Variants in EFCAB6 observed in about 807,000 individuals in gnomAD.
The protein encoded by EFCAB6 is EF-hand calcium binding domain 6, also known as EF-hand calcium-binding domain-containing protein 6.
In EFCAB6, 156 loss-of-function variants were observed where a neutral mutation model predicts 169.8. That is an observed-to-expected ratio of 0.92 (90% confidence interval 0.81 to 1.05). EFCAB6 has a LOEUF of 1.05. EFCAB6 is among the 50% of genes least tolerant of loss of function. The pLI is 0.00. For synonymous variants in EFCAB6, 698 were observed against 676.4 expected (o/e 1.03, Z -0.50); for missense variants, 1,800 against 1,829.1 (o/e 0.98, Z 0.29).
At chr22:43,751,390 A>G (rs2060756337) in intron 6 of EFCAB6, among the ~76,000 whole-genome samples, 1 of 152,176 alleles carries the variant, frequency 6.6e-6, no homozygotes, top group African/African-American at 2.4e-5. Context: ...GGAGTTGACA[A>G]ATGATAGATG....
intron 13 of EFCAB6, among the ~76,000 whole-genome samples, chr22:43,674,137 C>A (rs1008587751): frequency 6.6e-6 from 1 of 152,118 alleles, no homozygotes; most frequent in African/African-American, 2.4e-5. Flanking sequence ...TATGGGTATG[C>A]ATGTATGTGG....
At chr22:43,608,208 T>A (rs2053053560) in intron 22 of EFCAB6, among the ~76,000 whole-genome samples, 1 of 152,178 alleles carries the variant, frequency 6.6e-6, no homozygotes, top group South Asian at 2.1e-4. Context: ...AGCTCCCAGG[T>A]CCTTGGAAAT....
intron 24 of EFCAB6, among the ~76,000 whole-genome samples, chr22:43,582,341 T>TACACAC (rs34578401): frequency 0.069 from 10,214 of 148,302 alleles, 390 homozygotes; most frequent in Middle Eastern, 0.11. Flanking sequence ...TCTATACACA[T>TACACAC]ACACACACAC....
intron 26 of EFCAB6, among the ~76,000 whole-genome samples, chr22:43,575,805 C>G (rs982708772): frequency 6.6e-6 from 1 of 152,080 alleles, no homozygotes; most frequent in African/African-American, 2.4e-5. Context: ...GTGCCAAGGC[C>G]TCATCTCTCA....
chr22:43,639,969 G>A lies in EFCAB6; in HGVS notation c.1984-4753C>T, dbSNP rs1046554600. 1.2e-4 allele frequency among the ~76,000 whole-genome samples: 19 copies of A among 152,092 alleles called. No homozygotes were observed. In the East Asian group the frequency reaches 3.5e-3, roughly 28 times the overall value. On this transcript the variant is annotated intron_variant, in intron 17 of 31. Transcript: ENST00000262726. The stretch of plus-strand genomic sequence containing the variant: ...TTTGTTTCAGATATCTTATTTTTCA[G>A]TTCTAGAATTTCCATATGGTTCTTC...
At chr22:43,586,740 G>A (rs1473621765) in intron 24 of EFCAB6, among the ~76,000 whole-genome samples, 1 of 152,088 alleles carries the variant, frequency 6.6e-6, no homozygotes, top group Non-Finnish European at 1.5e-5. Context: ...TCTCAAGGTG[G>A]GGTGCAAAAG....
In EFCAB6 at chr22:43,773,102, G is replaced by A. The variant is rs1210209068; in HGVS notation, c.141C>T (p.Thr47=). The A allele has an allele frequency of 6.2e-7, 1 of 1,613,794 alleles. No individual in the cohort carries two copies. Among genetic ancestry groups the A allele is most frequent in the East Asian group, 2.2e-5 (1 of 44,896 alleles). Residue 47 remains threonine, a splice_region_variant and synonymous_variant, in exon 4 of 32, where the codon ACC becomes ACT. Transcript: ENST00000262726. The stretch of plus-strand genomic sequence containing the variant: ...ACAGTGTTGGATTTGCAACAGCTGT[G>A]GCTATAAAAGAGATACAGCTATTTA... The part of the protein sequence containing the change: ...GSPNKFRSSS[T]TAVANPTLSS...
At chr22:43,733,134 G>A (rs2060013484) in intron 7 of EFCAB6, among the ~76,000 whole-genome samples, 1 of 152,038 alleles carries the variant, frequency 6.6e-6, no homozygotes, top group Non-Finnish European at 1.5e-5. Context: ...TGTGATCGCT[G>A]CCAGATGTTA....
At chr22:43,608,308 G>C (rs2053060909) in intron 22 of EFCAB6, among the ~76,000 whole-genome samples, 174 bp downstream of exon 22, 1 of 152,102 alleles carries the variant, frequency 6.6e-6, no homozygotes, top group African/African-American at 2.4e-5. Context: ...TGCTTGCTAT[G>C]AGCACCAAGC....
At chr22:43,624,757 T>A (rs942133451) in intron 20 of EFCAB6, among the ~76,000 whole-genome samples, 1 of 152,222 alleles carries the variant, frequency 6.6e-6, no homozygotes, top group Non-Finnish European at 1.5e-5. Context: ...TTATTCACTG[T>A]TGTACCGTCT....
intron 8 of EFCAB6, among the ~76,000 whole-genome samples, chr22:43,727,344 C>G (rs1479398793): frequency 1.3e-5 from 2 of 152,198 alleles, no homozygotes; most frequent in Non-Finnish European, 2.9e-5. Flanking sequence ...GGGAAGGTTA[C>G]TTGAGCCCAG....
chr22:43,735,298 TCACCC>T, intron 7 of EFCAB6, among the ~76,000 whole-genome samples: 1 of 148,150 alleles, frequency 6.7e-6, no homozygotes, highest in East Asian at 2.0e-4. Flanking sequence ...CTGCTGTTCG[TCACCC>T]TCCTGCCGCA....
intron 2 of EFCAB6, among the ~76,000 whole-genome samples, chr22:43,798,153 A>C (rs2062577891): frequency 6.6e-6 from 1 of 152,060 alleles, no homozygotes; most frequent in Admixed American, 6.6e-5. Context: ...CGGGAGGCCA[A>C]GACAGGTGAA....
chr22:43,751,868 C>A (rs1175935242), intron 6 of EFCAB6, among the ~76,000 whole-genome samples: 1 of 152,200 alleles, frequency 6.6e-6, no homozygotes, highest in African/African-American at 2.4e-5. Flanking sequence ...TATGGGATAA[C>A]AACGGCACCT....
chr22:43,689,693 G>A (rs1328797807), intron 10 of EFCAB6, among the ~76,000 whole-genome samples: 2 of 152,122 alleles, frequency 1.3e-5, no homozygotes, highest in Non-Finnish European at 2.9e-5. Context: ...AATTCCTAGA[G>A]GAGGCCGAAA....
chr22:43,547,556 A>G (rs2048131687), intron 27 of EFCAB6, among the ~76,000 whole-genome samples: 1 of 151,212 alleles, frequency 6.6e-6, no homozygotes, highest in African/African-American at 2.4e-5. Flanking sequence ...CCTGGGCAAC[A>G]TGGCAAAACT....
At chr22:43,589,381 T>C (rs1311068013) in intron 24 of EFCAB6, among the ~76,000 whole-genome samples, 1 of 138,746 alleles carries the variant, frequency 7.2e-6, no homozygotes, top group African/African-American at 2.6e-5. Context: ...AGTTGTTGAC[T>C]TTGGGTAGTG....
At chr22:43,707,754 A>T in intron 10 of EFCAB6, among the ~76,000 whole-genome samples, 1 of 152,154 alleles carries the variant, frequency 6.6e-6, no homozygotes, top group East Asian at 1.9e-4. Context: ...CAAAAGATAT[A>T]CCTCAGGAAA....
At chr22:43,551,660 C>G (rs2048384331) in intron 27 of EFCAB6, among the ~76,000 whole-genome samples, 1 of 152,088 alleles carries the variant, frequency 6.6e-6, no homozygotes, top group South Asian at 2.1e-4. Flanking sequence ...GATGGTCTCC[C>G]TCCTCCCCGA....
Sources: allele counts gnomAD v4.1 joint callset (sites outside exome capture counted in the v4.1 genomes callset), GRCh38; gene constraint gnomAD v4.1.1; transcripts MANE v1.5; gene names NCBI Gene and HGNC (gene_info 2026-07-23, HGNC 2026-07-21).